The following KDM5A variants were observed in gnomAD, a reference collection of about 807,000 sequenced individuals.
KDM5A encodes lysine-specific demethylase 5A.
Under a neutral mutation model 193.5 loss-of-function variants are expected in KDM5A, and 42 were observed. The observed-to-expected ratio is 0.22, with a 90% confidence interval of 0.17 to 0.28. The LOEUF (loss-of-function observed/expected upper bound fraction) is 0.28, where lower values mean the gene tolerates loss of function less well. Ranked by LOEUF, KDM5A falls within the 10% of genes least tolerant of loss-of-function variation. The pLI, the probability that KDM5A is intolerant of heterozygous loss-of-function variation, is 1.00. For missense variants in KDM5A, 1,692 were observed against 2,055.1 expected, an observed-to-expected ratio of 0.82 and a Z score of 3.42; for synonymous variants, 796 against 718.1, an observed-to-expected ratio of 1.11 and a Z score of -1.73.
intron 10 of KDM5A, among the ~76,000 whole-genome samples, chr12:345,916 C>A (rs1418001240): frequency 6.6e-6 from 1 of 152,028 alleles, no homozygotes; most frequent in East Asian, 1.9e-4. Context: ...TAACTAAGAT[C>A]AGAGCAGAAC....
chr12:285,388 C>T lies in KDM5A; in HGVS notation c.*68G>A. On this transcript the variant is annotated 3_prime_UTR_variant, in exon 28 of 28. Transcript: ENST00000399788. ...CAACATTCCAAGTGGATATAAACCACTCTACTTGATGACTAAGGTCTCAAT... is the reference window on the plus strand; with the variant it reads ...CAACATTCCAAGTGGATATAAACCATTCTACTTGATGACTAAGGTCTCAAT... 2 of 1,381,022 alleles carry T rather than the reference C, an allele frequency of 1.4e-6. No homozygotes were observed. Among genetic ancestry groups the T allele is most frequent in the South Asian group, 1.2e-5 (1 of 85,746 alleles). The allele number at this position is 1,381,022 out of a possible 1,614,324, so 85.5% of individuals were successfully genotyped here. A position where few individuals can be genotyped will look rare whatever the true frequency, so the allele number is the denominator to read the frequency against.
chr12:324,354 A>G (rs1219039437), intron 14 of KDM5A, among the ~76,000 whole-genome samples: 2 of 152,186 alleles, frequency 1.3e-5, no homozygotes, highest in Non-Finnish European at 2.9e-5. Context: ...AGAGAAGGGA[A>G]GAAAATTGTA....
intron 10 of KDM5A, among the ~76,000 whole-genome samples, chr12:349,137 T>G (rs1307234206): frequency 6.6e-6 from 1 of 151,138 alleles, no homozygotes; most frequent in Non-Finnish European, 1.5e-5. Flanking sequence ...TATCCTGCCT[T>G]AGCCTCCCAA....
intron 3 of KDM5A, among the ~76,000 whole-genome samples, chr12:380,288 C>T (rs1944558584): frequency 6.6e-6 from 1 of 150,870 alleles, no homozygotes; most frequent in South Asian, 2.1e-4. Context: ...TGCAATTTAA[C>T]TTACCATCAG....
intron 10 of KDM5A, among the ~76,000 whole-genome samples, chr12:336,922 A>G (rs1591919437): frequency 6.6e-6 from 1 of 152,232 alleles, no homozygotes; most frequent in East Asian, 1.9e-4. Flanking sequence ...TCAGAGGACA[A>G]TAAAACAGTG....
At chr12:361,086 T>C (rs1331249928) in intron 5 of KDM5A, among the ~76,000 whole-genome samples, 1 of 152,192 alleles carries the variant, frequency 6.6e-6, no homozygotes, top group Non-Finnish European at 1.5e-5. Context: ...TAAGTACAAA[T>C]TAGGAGTTGA....
rs758568935 is a variant in KDM5A at position 292,956 on chromosome 12, T to C, written c.4669A>G (p.Lys1557Glu). 1.2e-6 allele frequency: 2 copies of C among 1,613,350 alleles called. No individual in the cohort carries two copies. Among genetic ancestry groups the C allele is most frequent in the South Asian group, 1.1e-5 (1 of 91,028 alleles). Residue 1557 changes from lysine (K) to glutamate (E), a missense_variant, in exon 27 of 28, where the codon AAA (lysine) becomes GAA (glutamate). Physicochemically the swap from Lys to Glu is moderately conservative, Grantham distance 56 (BLOSUM62 1). Coordinates refer to ENST00000399788, the MANE Select transcript of KDM5A (RefSeq NM_001042603.3). The stretch of plus-strand genomic sequence containing the variant: ...TTCTTTTTCTTTCTCTCTTCTTCTT[T>C]TGCTAGTTTCTTGGCCAGTTTATTC... ...ELNKLAKKLA[K>E]EEERKKKKEK...
intron 10 of KDM5A, among the ~76,000 whole-genome samples, chr12:335,285 A>G (rs1423967623): frequency 6.6e-6 from 1 of 152,260 alleles, no homozygotes; most frequent in Non-Finnish European, 1.5e-5. Flanking sequence ...CTCTGCAGCC[A>G]TATGAGGCTA....
chr12:331,098 CAT>C (rs1367544608), intron 13 of KDM5A, among the ~76,000 whole-genome samples: 2 of 149,462 alleles, frequency 1.3e-5, no homozygotes, highest in Admixed American at 6.7e-5. Flanking sequence ...ACAGAAAAAA[CAT>C]AAAATGACAA....
intron 5 of KDM5A, among the ~76,000 whole-genome samples, chr12:362,440 C>T (rs892700425): frequency 6.6e-6 from 1 of 152,120 alleles, no homozygotes; most frequent in African/African-American, 2.4e-5. Flanking sequence ...ACTGGAATGG[C>T]TCAGACACTA....
rs1591946989 is a variant in KDM5A at position 388,622 on chromosome 12, G to A, written c.165+305C>T. 6.5e-6 allele frequency: 3 copies of A among 461,916 alleles called. No individual in the cohort carries two copies. The East Asian group carries it at 1.3e-4, about 20-fold the overall frequency. 28.6% of individuals were successfully genotyped at this position (461,916 alleles called of 1,614,324 possible). A position where few individuals can be genotyped will look rare whatever the true frequency, so the allele number is the denominator to read the frequency against. On this transcript the variant is annotated intron_variant, in intron 1 of 27. Transcript: ENST00000399788. ...GATACGTGAGGGAAGAATACGTCAC[G>A]TCATAATACTGTACTTTAAACACCA...
chr12:299,238 CA>C (rs1204572696), intron 24 of KDM5A, among the ~76,000 whole-genome samples: 2 of 152,154 alleles, frequency 1.3e-5, no homozygotes, highest in African/African-American at 4.8e-5. Context: ...ACCCAAGACA[CA>C]TAACTGTCAG....
chr12:291,032 T>C (rs532444972), intron 27 of KDM5A, among the ~76,000 whole-genome samples: 1 of 152,308 alleles, frequency 6.6e-6, no homozygotes, highest in East Asian at 1.9e-4. Flanking sequence ...TAACTCTTCA[T>C]CAGCCTCTTT....
At chr12:290,486 G>C (rs1591895609) in intron 27 of KDM5A, among the ~76,000 whole-genome samples, 1 of 152,020 alleles carries the variant, frequency 6.6e-6, no homozygotes, top group Middle Eastern at 3.4e-3. Context: ...ATCTCCTTTT[G>C]CTCCATCAAA....
chr12:363,013 C>T lies in KDM5A; in HGVS notation c.622G>A (p.Gly208Ser), dbSNP rs200717176. ...STDTQTSPEP[G>S]TRMNILPKRT... ...TTCGGCAGAATGTTCATCCTTGTGC[C>T]TGGCTCTGGGGAAGTTTGGGTATCA... Residue 208 changes from glycine to serine, a missense_variant, in exon 5 of 28, where the codon GGC (glycine) becomes AGC (serine). By Grantham distance (56) the Gly-to-Ser change is moderately conservative. Transcript: ENST00000399788. 1.5e-5 allele frequency: 25 copies of T among 1,614,152 alleles called. No homozygotes were observed. In the Admixed American group the frequency reaches 4.2e-4, roughly 27 times the overall value.
chr12:316,302 T>C (rs1443784292), intron 19 of KDM5A, among the ~76,000 whole-genome samples: 1 of 152,236 alleles, frequency 6.6e-6, no homozygotes, highest in African/African-American at 2.4e-5. Context: ...CTCTCTCTAC[T>C]AGAACGGTAG....
intron 11 of KDM5A, 75 bp downstream of exon 11, chr12:334,166 G>A: frequency 7.5e-7 from 1 of 1,338,542 alleles, no homozygotes; most frequent in Non-Finnish European, 1.1e-6. Context: ...AAACCTTAAA[G>A]ATCAAAAACC....
At chr12:337,493 G>C (rs963841552) in intron 10 of KDM5A, among the ~76,000 whole-genome samples, 2 of 152,010 alleles carry the variant, frequency 1.3e-5, no homozygotes, top group Non-Finnish European at 2.9e-5. Context: ...AGAGTCATAC[G>C]CAAAAACACA....
At chr12:310,049 G>A (rs1427783534) in intron 21 of KDM5A, 85 bp from the exon 22 acceptor site, 2 of 1,389,874 alleles carry the variant, frequency 1.4e-6, no homozygotes, top group East Asian at 4.7e-5. Context: ...TTTGTTGACT[G>A]TTCAACCATG....
Sources: gnomAD v4.1 joint callset for allele counts (sites outside exome capture counted in the v4.1 genomes callset) on GRCh38, gnomAD v4.1.1 for gene constraint, MANE v1.5 for transcripts, NCBI Gene and HGNC (gene_info 2026-07-23, HGNC 2026-07-21) for gene names.